The following LRRC36 variants were observed in gnomAD, a reference collection of about 807,000 sequenced individuals.
The protein encoded by LRRC36 is leucine rich repeat containing 36.
Under a neutral mutation model 81.1 loss-of-function variants are expected in LRRC36, and 62 were observed. That is an observed-to-expected ratio of 0.76 (90% CI 0.62 to 0.94). LRRC36 has a LOEUF of 0.94. Ranked by LOEUF, LRRC36 falls within the 40% of genes least tolerant of loss-of-function variation. LRRC36 has a pLI of 0.00. For missense variants in LRRC36, 761 were observed against 881.7 expected (o/e 0.86, Z 1.73); for synonymous variants, 334 against 348.6 (o/e 0.96, Z 0.47).
chr16:67,371,043 G>A lies in LRRC36; in HGVS notation c.1295G>A (p.Gly432Asp), dbSNP rs2039614437. 6.2e-7 allele frequency: 1 copy of A among 1,614,034 alleles called. No individual in the cohort carries two copies. Among genetic ancestry groups the A allele is most frequent in the Non-Finnish European group, 8.5e-7 (1 of 1,180,024 alleles). Residue 432 changes from glycine (G) to aspartate (D), a missense_variant, in exon 9 of 14, where the codon GGT becomes GAT. Physicochemically the swap from Gly to Asp is moderately conservative, Grantham distance 94. This residue lies in a region of LRRC36 where 359 missense variants were observed against 388.4 expected (regional missense o/e 0.92). Transcript: ENST00000329956. Reference sequence around the variant, plus strand: ...CTGGATGATTTAACACCAGCACATGGTTCTGTCCCAAACAACGCTGTCCTG... The same window carrying A: ...CTGGATGATTTAACACCAGCACATGATTCTGTCCCAAACAACGCTGTCCTG... ...TSLDDLTPAH[G>D]SVPNNAVLGN...
intron 1 of LRRC36, among the ~76,000 whole-genome samples, chr16:67,335,239 C>G (rs896917728): frequency 1.3e-5 from 2 of 152,112 alleles, no homozygotes; most frequent in Non-Finnish European, 2.9e-5. Context: ...AGACATCTGC[C>G]CCCAAAGCAG....
At position 67,385,067 on chromosome 16, in the gene LRRC36, C is replaced by A; in HGVS notation, c.2243C>A (p.Ala748Asp). The A allele has an allele frequency of 6.2e-7, 1 of 1,613,914 alleles. No homozygotes were observed. The highest frequency in any genetic ancestry group is 8.5e-7 in the Non-Finnish European group (1 of 1,179,942). ...GQYLIQSVLD[A>D]APEPGL Reference sequence around the variant, plus strand: ...TATCTAATACAGAGCGTCTTGGATGCTGCCCCAGAGCCTGGCTTATAGAGC... The same window carrying A: ...TATCTAATACAGAGCGTCTTGGATGATGCCCCAGAGCCTGGCTTATAGAGC... Residue 748 changes from alanine to aspartate, a missense_variant, in exon 14 of 14, where the codon GCT (alanine) becomes GAT (aspartate). Ala to Asp is a moderately radical substitution (Grantham distance 126). Around this residue, in one of 3 missense-constraint regions of LRRC36, gnomAD observed 359 missense variants for 388.4 expected, o/e 0.92. Coordinates refer to ENST00000329956, the MANE Select transcript of LRRC36 (RefSeq NM_018296.6).
intron 5 of LRRC36, among the ~76,000 whole-genome samples, chr16:67,352,934 C>T (rs1382395361): frequency 1.3e-5 from 2 of 151,930 alleles, no homozygotes; most frequent in Non-Finnish European, 1.5e-5. Flanking sequence ...CAATTTTCCC[C>T]CCTCAGCCTC....
At chr16:67,366,402 G>C (rs1412111207) in intron 7 of LRRC36, among the ~76,000 whole-genome samples, 1 of 152,090 alleles carries the variant, frequency 6.6e-6, no homozygotes, top group Non-Finnish European at 1.5e-5. Context: ...ATCACCTGAG[G>C]TCAGGAGTTT....
rs1216541724 is a variant in LRRC36, at chr16:67,376,724, C to G, written c.1661-3C>G. On this transcript the variant is annotated splice_region_variant and splice_polypyrimidine_tract_variant and intron_variant, in intron 10 of 13. Coordinates refer to ENST00000329956, the MANE Select transcript of LRRC36 (RefSeq NM_018296.6). ...CTGTGTGCCCATCCTGAATTTTTGG[C>G]AGGTCCTGCCCGAGATTTGCTTCTG... 7.5e-6 allele frequency: 12 copies of G among 1,607,898 alleles called. No individual in the cohort carries two copies. Among genetic ancestry groups the G allele is most frequent in the Non-Finnish European group, 1.0e-5 (12 of 1,175,264 alleles).
At chr16:67,358,182 A>C in intron 5 of LRRC36, among the ~76,000 whole-genome samples, 1 of 134,294 alleles carries the variant, frequency 7.4e-6, no homozygotes, top group Non-Finnish European at 1.5e-5. Context: ...TTTTTTTTTC[A>C]AGAGTGATCC....
chr16:67,379,438 C>T (rs919684082), intron 12 of LRRC36, among the ~76,000 whole-genome samples: 2 of 152,072 alleles, frequency 1.3e-5, no homozygotes, highest in East Asian at 1.9e-4. Flanking sequence ...AAAAATAGGC[C>T]GGGTGCAGTG....
At chr16:67,344,428 GAAAC>G (rs1223944106) in intron 2 of LRRC36, among the ~76,000 whole-genome samples, 2 of 152,070 alleles carry the variant, frequency 1.3e-5, no homozygotes, top group South Asian at 2.1e-4. Flanking sequence ...CTACAAAACA[GAAAC>G]AAACAAACAA....
chr16:67,329,611 A>G (rs1432229063), intron 1 of LRRC36, among the ~76,000 whole-genome samples: 5 of 152,100 alleles, frequency 3.3e-5, no homozygotes, highest in Admixed American at 6.6e-5. Flanking sequence ...CAGTTGTCCT[A>G]TAATTTTTTA....
chr16:67,358,516 C>G (rs2039002792), intron 5 of LRRC36, among the ~76,000 whole-genome samples: 1 of 149,928 alleles, frequency 6.7e-6, no homozygotes, highest in Non-Finnish European at 1.5e-5. Flanking sequence ...TTTTTTGCAC[C>G]CAGCTATTTT....
chr16:67,379,251 C>T (rs986401739), intron 12 of LRRC36, among the ~76,000 whole-genome samples: 1 of 151,802 alleles, frequency 6.6e-6, no homozygotes, highest in African/African-American at 2.4e-5. Context: ...AGTGAGAATC[C>T]GTCTTTACAA....
chr16:67,360,416 C>G (rs1200872486), intron 5 of LRRC36, among the ~76,000 whole-genome samples: 1 of 152,140 alleles, frequency 6.6e-6, no homozygotes, highest in Non-Finnish European at 1.5e-5. Flanking sequence ...CAGGCTGGAG[C>G]AGGGTCTTGA....
At chr16:67,347,300 A>G (rs2038396642) in intron 3 of LRRC36, 195 bp from the exon 4 acceptor site, 6 of 1,019,620 alleles carry the variant, frequency 5.9e-6, no homozygotes, top group African/African-American at 5.0e-5. Context: ...AGTGGTCGCT[A>G]TGGCTTCCTG....
chr16:67,378,650 T>A lies in LRRC36; in HGVS notation c.1868T>A (p.Ile623Asn), dbSNP rs753967980. The A allele has an allele frequency of 8.7e-6, 14 of 1,613,990 alleles. No homozygotes were observed. The highest frequency in any genetic ancestry group is 2.7e-5 in the African/African-American group (2 of 74,894). Residue 623 changes from isoleucine (I) to asparagine (N), a missense_variant, in exon 12 of 14, where the codon ATT (isoleucine) becomes AAT (asparagine). This residue lies in a region of LRRC36 where 359 missense variants were observed against 388.4 expected (regional missense o/e 0.92). Transcript: ENST00000329956. ...GAAAACCTCATTTTGTCAGAAAAAA[T>A]TCAACAGTTGGAGGAAGGTGCTGCC... is the stretch of plus-strand genomic sequence containing the variant. ...LEENLILSEK[I>N]QQLEEGAAIS...
At chr16:67,367,777 G>T (rs1334895147) in intron 8 of LRRC36, among the ~76,000 whole-genome samples, 1 of 152,174 alleles carries the variant, frequency 6.6e-6, no homozygotes, top group Non-Finnish European at 1.5e-5. Context: ...TTCAGGCTGG[G>T]CACGGTGGCT....
chr16:67,350,748 G>A (rs746612364), intron 5 of LRRC36, among the ~76,000 whole-genome samples: 1 of 152,044 alleles, frequency 6.6e-6, no homozygotes, highest in Non-Finnish European at 1.5e-5. Flanking sequence ...AGCTAAAGTG[G>A]TTATGCCAGG....
At chr16:67,384,481 T>C (rs2040222263) in intron 13 of LRRC36, among the ~76,000 whole-genome samples, 2 of 152,174 alleles carry the variant, frequency 1.3e-5, no homozygotes, top group African/African-American at 4.8e-5. Context: ...CAGCCATGAC[T>C]AGCACCATTA....
intron 5 of LRRC36, 69 bp downstream of exon 5, chr16:67,350,359 GGGTAA>G: frequency 8.0e-7 from 1 of 1,257,668 alleles, no homozygotes; most frequent in Non-Finnish European, 1.2e-6. Context: ...AGCCAATATT[GGGTAA>G]GATGAAGACA....
At chr16:67,352,251 C>A (rs1312570561) in intron 5 of LRRC36, among the ~76,000 whole-genome samples, 1 of 152,182 alleles carries the variant, frequency 6.6e-6, no homozygotes, top group Non-Finnish European at 1.5e-5. Context: ...GCTTTGTTTT[C>A]CACTGAAAAT....
Sources: allele counts gnomAD v4.1 joint callset (sites outside exome capture counted in the v4.1 genomes callset), GRCh38; gene constraint gnomAD v4.1.1; regional missense constraint gnomAD v4.1.1; transcripts MANE v1.5; gene names NCBI Gene and HGNC (gene_info 2026-07-23, HGNC 2026-07-21).